CA10: variants seen among roughly 807,000 people sequenced by gnomAD.
CA10 encodes carbonic anhydrase-related protein 10.
In CA10, 14 loss-of-function variants were observed where a neutral mutation model predicts 44.2. The observed-to-expected ratio is 0.32, with a 90% CI of 0.21 to 0.50. The LOEUF is 0.50. Among genes scored for constraint, CA10 ranks in the 20% least tolerant of loss-of-function variants. The pLI is 0.99. For missense variants in CA10, 350 were observed against 409.7 expected (o/e 0.85, Z 1.26); for synonymous variants, 159 against 141.6 (o/e 1.12, Z -0.87).
At chr17:51,646,841 C>A (rs924782966) in intron 6 of CA10, among the ~76,000 whole-genome samples, 1 of 152,202 alleles carries the variant, frequency 6.6e-6, no homozygotes, top group Admixed American at 6.5e-5. Flanking sequence ...ATGAATCGGC[C>A]ATCATTATTC....
intron 3 of CA10, among the ~76,000 whole-genome samples, chr17:51,919,739 C>A (rs1982152988): frequency 6.6e-6 from 1 of 152,194 alleles, no homozygotes; most frequent in Non-Finnish European, 1.5e-5. Flanking sequence ...GCAACCTCCA[C>A]CTCCCTGGTT....
intron 4 of CA10, among the ~76,000 whole-genome samples, chr17:51,673,559 G>T (rs1389030642): frequency 6.6e-6 from 1 of 152,100 alleles, no homozygotes; most frequent in Non-Finnish European, 1.5e-5. Flanking sequence ...GTGAATTTTT[G>T]TAATACACTT....
At chr17:52,020,884 G>A (rs79928160) in intron 2 of CA10, among the ~76,000 whole-genome samples, 1,617 of 152,070 alleles carry the variant, frequency 0.011, 28 homozygotes, top group African/African-American at 0.037. Context: ...TAGCTACCAT[G>A]TATGTGTACA....
chr17:51,957,563 A>G (rs1009604766), intron 2 of CA10, among the ~76,000 whole-genome samples: 6 of 152,142 alleles, frequency 3.9e-5, no homozygotes, highest in Non-Finnish European at 7.3e-5. Flanking sequence ...GCCAAGTTGT[A>G]ACCATCTATC....
intron 4 of CA10, among the ~76,000 whole-genome samples, chr17:51,691,956 G>A (rs1445924587): frequency 6.6e-6 from 1 of 152,134 alleles, no homozygotes. Context: ...CTTAAAACTT[G>A]ATCTAAAAGT....
At chr17:52,085,267 A>G (rs1988087655) in intron 1 of CA10, among the ~76,000 whole-genome samples, 1 of 152,192 alleles carries the variant, frequency 6.6e-6, no homozygotes, top group Non-Finnish European at 1.5e-5. Context: ...GATTACTTAA[A>G]TGGCCAATTA....
intron 1 of CA10, among the ~76,000 whole-genome samples, chr17:52,115,427 C>G (rs961537456): frequency 6.6e-6 from 1 of 152,008 alleles, no homozygotes; most frequent in Non-Finnish European, 1.5e-5. Flanking sequence ...TGTTTTGGAG[C>G]CTTCTTGTTC....
intron 1 of CA10, among the ~76,000 whole-genome samples, chr17:52,083,829 T>C (rs1238082835): frequency 1.3e-5 from 2 of 152,370 alleles, no homozygotes; most frequent in East Asian, 3.9e-4. Context: ...GAGACTTATG[T>C]TGATTCCATA....
At chr17:51,783,061 T>G (rs758074996) in intron 3 of CA10, among the ~76,000 whole-genome samples, 1 of 152,250 alleles carries the variant, frequency 6.6e-6, no homozygotes, top group Admixed American at 6.5e-5. Flanking sequence ...ATATGGGAAG[T>G]AGACTTTTTA....
At chr17:51,828,182 G>T (rs1242992312) in intron 3 of CA10, among the ~76,000 whole-genome samples, 3 of 152,106 alleles carry the variant, frequency 2.0e-5, no homozygotes, top group African/African-American at 7.2e-5. Flanking sequence ...TTGTGACTAG[G>T]GAGTTAGGAG....
At chr17:51,717,604 T>C (rs118183060) in intron 4 of CA10, among the ~76,000 whole-genome samples, 11,541 of 67,644 alleles carry the variant, frequency 0.17, 3,265 homozygotes, top group Middle Eastern at 0.27. Flanking sequence ...TGTATATATA[T>C]ACATGTATAC....
At chr17:51,649,140 T>A (rs1913455511) in intron 6 of CA10, 42 bp downstream of exon 6, 1 of 1,477,334 alleles carries the variant, frequency 6.8e-7, no homozygotes, top group Non-Finnish European at 9.5e-7. Context: ...AGGTCTAACC[T>A]TTATAGAATA....
intron 3 of CA10, among the ~76,000 whole-genome samples, chr17:51,819,937 C>T (rs1380572052): frequency 6.6e-6 from 1 of 152,056 alleles, no homozygotes. Flanking sequence ...TTTGTTTATC[C>T]CCCTCTCTGT....
chr17:51,743,519 T>C (rs567587971), intron 4 of CA10, among the ~76,000 whole-genome samples: 1 of 152,216 alleles, frequency 6.6e-6, no homozygotes, highest in Non-Finnish European at 1.5e-5. Context: ...ACATGAGTAA[T>C]TTTTATAAAA....
At chr17:52,036,787 T>C (rs1986630936) in intron 2 of CA10, among the ~76,000 whole-genome samples, 1 of 152,224 alleles carries the variant, frequency 6.6e-6, no homozygotes, top group Non-Finnish European at 1.5e-5. Flanking sequence ...TTTGGCCTAG[T>C]GCCTGAAACA....
At chr17:52,121,371 G>A (rs1467039069) in intron 1 of CA10, among the ~76,000 whole-genome samples, 1 of 151,948 alleles carries the variant, frequency 6.6e-6, no homozygotes, top group Non-Finnish European at 1.5e-5. Flanking sequence ...ATTAAAATAG[G>A]GAGAAGACCT....
At chr17:51,935,616 G>T (rs1315754006) in intron 2 of CA10, among the ~76,000 whole-genome samples, 1 of 152,130 alleles carries the variant, frequency 6.6e-6, no homozygotes, top group Non-Finnish European at 1.5e-5. Flanking sequence ...TTTCCCAATG[G>T]CACTACTGCC....
chr17:51,903,843 G>A (rs1023067912), intron 3 of CA10, among the ~76,000 whole-genome samples: 1 of 152,098 alleles, frequency 6.6e-6, no homozygotes. Flanking sequence ...AAGGTAGTAA[G>A]CTATTTTCTA....
At chr17:52,071,272 C>A (rs1226440336) in intron 2 of CA10, among the ~76,000 whole-genome samples, 1 of 152,180 alleles carries the variant, frequency 6.6e-6, no homozygotes, top group African/African-American at 2.4e-5. Flanking sequence ...TATTTGGCAG[C>A]CAGTTGGCTT....
Sources: allele counts gnomAD v4.1 joint callset (sites outside exome capture counted in the v4.1 genomes callset), GRCh38; gene constraint gnomAD v4.1.1; transcripts MANE v1.5; gene names NCBI Gene and HGNC (gene_info 2026-07-23, HGNC 2026-07-21).